MSRA: variants seen among roughly 807,000 people sequenced by gnomAD.
The protein encoded by MSRA is mitochondrial peptide methionine sulfoxide reductase.
In MSRA, 54 loss-of-function variants were observed where a neutral mutation model predicts 31.3. The ratio of observed to expected loss-of-function variants is 1.73; its 90% CI spans 1.39 to 2.17. The LOEUF is 2.17. Among genes scored for constraint, MSRA ranks in the 30% most tolerant of loss-of-function variants. The pLI, the probability that MSRA is intolerant of heterozygous loss-of-function variation, is 0.00. For missense variants in MSRA, 507 were observed against 300.9 expected, an observed-to-expected ratio of 1.69 and a Z score of -5.07; for synonymous variants, 169 against 116.5, an observed-to-expected ratio of 1.45 and a Z score of -2.90.
intron 2 of MSRA, among the ~76,000 whole-genome samples, chr8:10,219,165 T>C (rs1177991027): frequency 6.6e-6 from 1 of 152,206 alleles, no homozygotes; most frequent in East Asian, 1.9e-4. Context: ...GTCAAGAAAT[T>C]ACAAAGCCTG....
intron 1 of MSRA, among the ~76,000 whole-genome samples, chr8:10,086,243 C>A (rs1363570355): frequency 1.3e-5 from 2 of 152,196 alleles, no homozygotes; most frequent in Non-Finnish European, 2.9e-5. Flanking sequence ...GGTGATGAGG[C>A]ATGAATTGAA....
intron 3 of MSRA, among the ~76,000 whole-genome samples, chr8:10,267,453 T>C (rs1798805523): frequency 6.6e-6 from 1 of 152,134 alleles, no homozygotes; most frequent in Admixed American, 6.5e-5. Context: ...CTTGTCCTTA[T>C]AATTATTCCA....
At chr8:10,384,079 A>G (rs1806238608) in intron 5 of MSRA, among the ~76,000 whole-genome samples, 1 of 152,146 alleles carries the variant, frequency 6.6e-6, no homozygotes, top group African/African-American at 2.4e-5. Context: ...ATACTGTGAC[A>G]TTTAGCTGCC....
chr8:10,370,001 A>G (rs1466499521), intron 5 of MSRA, among the ~76,000 whole-genome samples: 1 of 152,228 alleles, frequency 6.6e-6, no homozygotes, highest in African/African-American at 2.4e-5. Context: ...TGTTCTGTTC[A>G]TATTGAAGAA....
At chr8:10,425,319 G>C (rs890844257) in intron 5 of MSRA, among the ~76,000 whole-genome samples, 1 of 152,334 alleles carries the variant, frequency 6.6e-6, no homozygotes, top group East Asian at 1.9e-4. Context: ...GCTCGCCTTG[G>C]AGGTTTTTCT....
chr8:10,233,004 G>A (rs1585230541), intron 2 of MSRA, among the ~76,000 whole-genome samples: 1 of 152,216 alleles, frequency 6.6e-6, no homozygotes, highest in Admixed American at 6.5e-5. Flanking sequence ...GAAGTTCCTA[G>A]GGGAGGTGGT....
rs559201449 is a variant in MSRA at position 10,222,691 on chromosome 8, T to C, written c.211+14790T>C. 5.9e-5 allele frequency among the ~76,000 whole-genome samples: 9 copies of C among 152,314 alleles called. No homozygotes were observed. In the South Asian group the frequency reaches 1.9e-3, roughly 32 times the overall value. On this transcript the variant is annotated intron_variant, in intron 2 of 5. Coordinates refer to ENST00000317173, the MANE Select transcript of MSRA (RefSeq NM_012331.5). ...GGAAATCCTGTCGTTGGCAACAGTA[T>C]TGATTAACCTGGAGAACATTATGCT...
chr8:10,076,830 G>A (rs1400205695), intron 1 of MSRA, among the ~76,000 whole-genome samples: 3 of 152,072 alleles, frequency 2.0e-5, no homozygotes, highest in South Asian at 2.1e-4. Flanking sequence ...GCAGGGATGA[G>A]TGTTGTAGCA....
intron 2 of MSRA, among the ~76,000 whole-genome samples, chr8:10,236,856 G>T (rs570171483): frequency 1.3e-5 from 2 of 152,264 alleles, no homozygotes; most frequent in Admixed American, 1.3e-4. Flanking sequence ...AAATGCTTAA[G>T]ATCTTTATGG....
intron 5 of MSRA, among the ~76,000 whole-genome samples, chr8:10,357,372 C>T (rs1033508582): frequency 6.6e-6 from 1 of 152,228 alleles, no homozygotes; most frequent in Non-Finnish European, 1.5e-5. Flanking sequence ...ACCCACTTTT[C>T]AGACATTGAC....
At chr8:10,128,951 T>A (rs1458971060) in intron 1 of MSRA, among the ~76,000 whole-genome samples, 1 of 152,220 alleles carries the variant, frequency 6.6e-6, no homozygotes, top group Non-Finnish European at 1.5e-5. Context: ...TGTACATGCC[T>A]TTACTGTCAG....
Position 10,367,411 on chromosome 8 carries a change from G to A in MSRA, c.543+47422G>A, listed in dbSNP as rs548582182. Reference sequence around the variant, plus strand: ...GTAGGTATGTATACGAAAAAATATAGTATATATAGGGTCCCATATCCTCTG... The same window carrying A: ...GTAGGTATGTATACGAAAAAATATAATATATATAGGGTCCCATATCCTCTG... On this transcript the variant is annotated intron_variant, in intron 5 of 5. Transcript: ENST00000317173. 3.3e-5 allele frequency among the ~76,000 whole-genome samples: 5 copies of A among 152,210 alleles called. No homozygotes were observed. The South Asian group carries it at 1.0e-3, about 32-fold the overall frequency.
At chr8:10,218,337 G>T (rs576381364) in intron 2 of MSRA, among the ~76,000 whole-genome samples, 2 of 151,850 alleles carry the variant, frequency 1.3e-5, no homozygotes, top group South Asian at 4.2e-4. Context: ...GTAGGGATGG[G>T]GTTTCACCAT....
At chr8:10,256,799 C>T (rs1798206995) in intron 3 of MSRA, among the ~76,000 whole-genome samples, 1 of 151,994 alleles carries the variant, frequency 6.6e-6, no homozygotes, top group Non-Finnish European at 1.5e-5. Flanking sequence ...AGTCTCTGAC[C>T]CCCTGAGTTT....
intron 1 of MSRA, among the ~76,000 whole-genome samples, chr8:10,198,658 C>T (rs1808207631): frequency 6.6e-6 from 1 of 152,182 alleles, no homozygotes; most frequent in Admixed American, 6.5e-5. Flanking sequence ...AGGGTCTCCT[C>T]TGTCACCCAG....
intron 3 of MSRA, among the ~76,000 whole-genome samples, chr8:10,287,435 C>T (rs1021039424): frequency 1.3e-5 from 2 of 152,148 alleles, no homozygotes; most frequent in African/African-American, 2.4e-5. Flanking sequence ...AAGTGTTACA[C>T]CAATCTAAGG....
chr8:10,391,459 G>A (rs1052140980), intron 5 of MSRA, among the ~76,000 whole-genome samples: 1 of 152,166 alleles, frequency 6.6e-6, no homozygotes, highest in Admixed American at 6.5e-5. Context: ...AGTATCTGTG[G>A]CATTCTCTGA....
intron 1 of MSRA, among the ~76,000 whole-genome samples, chr8:10,166,129 C>T (rs1219068924): frequency 1.3e-5 from 2 of 152,170 alleles, no homozygotes; most frequent in Non-Finnish European, 2.9e-5. Context: ...CAGCTTCACT[C>T]TGGAGAGCCA....
chr8:10,106,797 T>A (rs1799911075), intron 1 of MSRA, among the ~76,000 whole-genome samples: 1 of 151,966 alleles, frequency 6.6e-6, no homozygotes, highest in Non-Finnish European at 1.5e-5. Flanking sequence ...CTTAGGTCAT[T>A]CCTTCTGTCT....
Sources: gnomAD v4.1 joint callset for allele counts (sites outside exome capture counted in the v4.1 genomes callset) on GRCh38, gnomAD v4.1.1 for gene constraint, MANE v1.5 for transcripts, NCBI Gene and HGNC (gene_info 2026-07-23, HGNC 2026-07-21) for gene names.